IFT80: variants seen among roughly 807,000 people sequenced by gnomAD.
IFT80 encodes the protein intraflagellar transport 80.
IFT80 carries 79 observed loss-of-function variants against 107.9 expected under a neutral mutation model. The observed-to-expected ratio is 0.73, with a 90% confidence interval of 0.61 to 0.88. The LOEUF is 0.88. IFT80 is among the 40% of genes least tolerant of loss of function. The pLI, the probability that IFT80 is intolerant of heterozygous loss-of-function variation, is 0.00. For synonymous variants in IFT80, 299 were observed against 300.9 expected, an observed-to-expected ratio of 0.99 and a Z score of 0.07; for missense variants, 797 against 914.2, an observed-to-expected ratio of 0.87 and a Z score of 1.65.
chr3:160,277,371 T>A lies in IFT80; in HGVS notation c.2034A>T (p.Val678=), dbSNP rs773068068. Residue 678 remains valine, a synonymous_variant, in exon 18 of 20, where the codon GTA becomes GTT. Coordinates refer to ENST00000326448, the MANE Select transcript of IFT80 (RefSeq NM_020800.3). ...FSGNIQEAEI[V]LLQAGLVYQA... ...GATAAACAAGGCCAGCCTGAAGAAG[T>A]ACTATTTCAGCCTCCTGTATGTTCC... 4 of 1,613,568 alleles carry A rather than the reference T, an allele frequency of 2.5e-6. No homozygotes were observed. In the African/African-American group the frequency reaches 5.3e-5, roughly 22 times the overall value.
At chr3:160,356,629 T>C (rs1721111232) in intron 7 of IFT80, among the ~76,000 whole-genome samples, 1 of 152,168 alleles carries the variant, frequency 6.6e-6, no homozygotes, top group Non-Finnish European at 1.5e-5. Flanking sequence ...CAAGAGATCT[T>C]CCTGCTTTAG....
chr3:160,393,509 G>C (rs1293261661), intron 1 of IFT80, among the ~76,000 whole-genome samples: 1 of 152,184 alleles, frequency 6.6e-6, no homozygotes, highest in Non-Finnish European at 1.5e-5. Context: ...ATGGCTGCCA[G>C]GGGCTAGGGG....
intron 14 of IFT80, among the ~76,000 whole-genome samples, chr3:160,281,059 G>C (rs1421712137): frequency 6.6e-6 from 1 of 152,098 alleles, no homozygotes; most frequent in Non-Finnish European, 1.5e-5. Flanking sequence ...TGACAATTTA[G>C]CTGCAGCAGC....
At chr3:160,262,595 G>C (rs573113449) in intron 19 of IFT80, among the ~76,000 whole-genome samples, 1 of 152,290 alleles carries the variant, frequency 6.6e-6, no homozygotes, top group South Asian at 2.1e-4. Context: ...AAAGTGCTGA[G>C]ATTACAGGGG....
chr3:160,314,751 G>A (rs113071082), intron 9 of IFT80, among the ~76,000 whole-genome samples: 10 of 152,192 alleles, frequency 6.6e-5, no homozygotes, highest in Admixed American at 1.3e-4. Flanking sequence ...CTCAGAAAGC[G>A]AATCCTCCCA....
At chr3:160,283,334 C>T (rs73154542) in intron 13 of IFT80, among the ~76,000 whole-genome samples, 45,193 of 151,986 alleles carry the variant, frequency 0.3, 7,559 homozygotes, top group African/African-American at 0.46. Flanking sequence ...ATTTATTTAC[C>T]TCCTACAATG....
In IFT80 at chr3:160,271,566, T is replaced by C. The variant is rs533863108; in HGVS notation, c.2100-3030A>G. ...GTGGATAGCAAACAGATAACTTGCT[T>C]ACCTATAACTCTTCAAGAGCTGTAC... On this transcript the variant is annotated intron_variant, in intron 18 of 19. Transcript: ENST00000326448. Among the ~76,000 whole-genome samples the C allele has an allele frequency of 3.3e-5, 5 of 152,226 alleles. No homozygotes were observed. The East Asian group carries it at 9.7e-4, about 29-fold the overall frequency.
chr3:160,389,043 G>C (rs947614736), intron 1 of IFT80, among the ~76,000 whole-genome samples: 3 of 152,192 alleles, frequency 2.0e-5, no homozygotes, highest in Admixed American at 2.0e-4. Context: ...ATATAATAGA[G>C]TTGGGTATTT....
chr3:160,319,852 C>T lies in IFT80; in HGVS notation c.865G>A (p.Gly289Arg). The T allele has an allele frequency of 6.2e-7, 1 of 1,612,882 alleles. No individual in the cohort carries two copies. The highest frequency in any genetic ancestry group is 8.5e-7 in the Non-Finnish European group (1 of 1,179,264). ...TGTGCAAAAACGACATGTCCATTTC[C>T]ACAGGCTCCAGCAATCTGAGTGCCA... ...IDGTQIAGACGNGHVVFAHVV... is the reference protein window; with the variant it reads ...IDGTQIAGACRNGHVVFAHVV... Residue 289 changes from glycine (G) to arginine (R), a missense_variant, in exon 9 of 20, where the codon GGA becomes AGA. Physicochemically the swap from Gly to Arg is moderately radical, Grantham distance 125. Coordinates refer to ENST00000326448, the MANE Select transcript of IFT80 (RefSeq NM_020800.3).
At chr3:160,317,740 T>C (rs558133113) in intron 9 of IFT80, among the ~76,000 whole-genome samples, 1 of 151,990 alleles carries the variant, frequency 6.6e-6, no homozygotes. Context: ...GGAGATACAA[T>C]CAGCCCAGTC....
At chr3:160,332,138 A>C (rs1953507) in intron 8 of IFT80, among the ~76,000 whole-genome samples, 152,276 of 152,276 alleles carry the variant, frequency 1, 76,138 homozygotes, top group Non-Finnish European at 1. Flanking sequence ...ATATTTTTGG[A>C]AAGAAAACTT....
chr3:160,381,043 T>C (rs1712451714), intron 3 of IFT80, among the ~76,000 whole-genome samples: 1 of 151,758 alleles, frequency 6.6e-6, no homozygotes. Flanking sequence ...AAGACTAGCC[T>C]GGGCAACAAG....
chr3:160,323,352 T>A (rs1234606052), intron 8 of IFT80, among the ~76,000 whole-genome samples: 1 of 151,022 alleles, frequency 6.6e-6, no homozygotes, highest in Non-Finnish European at 1.5e-5. Flanking sequence ...GTTGTAGATA[T>A]GCGGCATTAT....
At chr3:160,290,846 A>G (rs962656567) in intron 12 of IFT80, among the ~76,000 whole-genome samples, 1 of 152,174 alleles carries the variant, frequency 6.6e-6, no homozygotes, top group Non-Finnish European at 1.5e-5. Flanking sequence ...TACAGATGTG[A>G]GCCACATCTG....
intron 8 of IFT80, among the ~76,000 whole-genome samples, chr3:160,322,450 G>C (rs1417558332): frequency 2.0e-5 from 3 of 151,900 alleles, no homozygotes; most frequent in African/African-American, 7.3e-5. Context: ...GGACATTTGG[G>C]TTGGTTCCAA....
chr3:160,294,925 T>C (rs1478760820), intron 12 of IFT80, among the ~76,000 whole-genome samples: 2 of 152,254 alleles, frequency 1.3e-5, no homozygotes. Context: ...TAGATGATTA[T>C]TTTAGCATTA....
rs148800279 is a variant in IFT80, at chr3:160,282,369, A to G, written c.1516+109T>C. The G allele has an allele frequency of 1.5e-3, 1,216 of 785,246 alleles. 17 individuals carry two copies. The African/African-American group carries it at 0.019, about 12-fold the overall frequency. 48.6% of individuals were successfully genotyped at this position (785,246 alleles called of 1,614,324 possible). On this transcript the variant is annotated intron_variant, in intron 14 of 19. Transcript: ENST00000326448. Reference sequence around the variant, plus strand: ...AAAAAGGGTTAAATAGCTAAGAAGTATTACAAGATCAAAACATTAAAACAT... The same window carrying G: ...AAAAAGGGTTAAATAGCTAAGAAGTGTTACAAGATCAAAACATTAAAACAT...
intron 5 of IFT80, among the ~76,000 whole-genome samples, chr3:160,366,673 T>C (rs1721889817): frequency 6.6e-6 from 1 of 152,072 alleles, no homozygotes; most frequent in Non-Finnish European, 1.5e-5. Flanking sequence ...TAAAAATTTT[T>C]ATTTTTAATT....
chr3:160,377,051 A>G (rs1265873988), intron 4 of IFT80, among the ~76,000 whole-genome samples: 1 of 152,238 alleles, frequency 6.6e-6, no homozygotes, highest in African/African-American at 2.4e-5. Context: ...GTCATTTGTT[A>G]TGAGCAATAG....
Sources: allele counts gnomAD v4.1 joint callset (sites outside exome capture counted in the v4.1 genomes callset), GRCh38; gene constraint gnomAD v4.1.1; transcripts MANE v1.5; gene names NCBI Gene and HGNC (gene_info 2026-07-23, HGNC 2026-07-21).